The following XRCC4 variants were observed in gnomAD, a reference collection of about 807,000 sequenced individuals.
XRCC4 encodes the protein DNA repair protein XRCC4.
Under a neutral mutation model 39.1 loss-of-function variants are expected in XRCC4, and 28 were observed. That is an observed-to-expected ratio of 0.72 (90% CI 0.53 to 0.98). The LOEUF (loss-of-function observed/expected upper bound fraction) is 0.98, where lower values mean the gene tolerates loss of function less well. Among genes scored for constraint, XRCC4 ranks in the 50% least tolerant of loss-of-function variants. XRCC4 has a pLI of 0.00. For synonymous variants in XRCC4, 123 were observed against 126.4 expected, an observed-to-expected ratio of 0.97 and a Z score of 0.18; for missense variants, 350 against 376.4, an observed-to-expected ratio of 0.93 and a Z score of 0.58.
chr5:83,122,844 A>AC (rs1747076177), intron 3 of XRCC4, among the ~76,000 whole-genome samples: 1 of 152,138 alleles, frequency 6.6e-6, no homozygotes, highest in Non-Finnish European at 1.5e-5. Flanking sequence ...GTTTGATATT[A>AC]CAGATATCGT....
intron 3 of XRCC4, among the ~76,000 whole-genome samples, chr5:83,190,182 G>A (rs919674379): frequency 6.6e-6 from 1 of 152,200 alleles, no homozygotes; most frequent in South Asian, 2.1e-4. Context: ...TGATCAACTT[G>A]TAGTTGATGA....
chr5:83,359,995 C>T, the XRCC4 span, among the ~76,000 whole-genome samples: 5 of 152,018 alleles, frequency 3.3e-5, no homozygotes, highest in Admixed American at 1.3e-4. Flanking sequence ...CTGTGATCTT[C>T]GGCAACAGCA....
chr5:83,169,055 G>A (rs945632141), intron 3 of XRCC4, among the ~76,000 whole-genome samples: 1 of 152,120 alleles, frequency 6.6e-6, no homozygotes, highest in Non-Finnish European at 1.5e-5. Context: ...TGTGGGTGGG[G>A]TTAAGTGGGT....
At chr5:83,371,522 A>T in the XRCC4 span, among the ~76,000 whole-genome samples, 1 of 152,196 alleles carries the variant, frequency 6.6e-6, no homozygotes, top group Non-Finnish European at 1.5e-5. Context: ...GAAACAATCT[A>T]CATGTCAGAT....
At chr5:83,273,443 A>AT (rs1465849938) in intron 7 of XRCC4, among the ~76,000 whole-genome samples, 1 of 152,138 alleles carries the variant, frequency 6.6e-6, no homozygotes, top group Non-Finnish European at 1.5e-5. Flanking sequence ...CCATTCGTTA[A>AT]TTTTGGCTTT....
chr5:83,372,451 G>A, the XRCC4 span, among the ~76,000 whole-genome samples: 1 of 152,136 alleles, frequency 6.6e-6, no homozygotes, highest in Non-Finnish European at 1.5e-5. Flanking sequence ...CCTCCTCATT[G>A]TCATCAATCA....
At chr5:83,124,360 T>G (rs1319886698) in intron 3 of XRCC4, among the ~76,000 whole-genome samples, 1 of 152,166 alleles carries the variant, frequency 6.6e-6, no homozygotes, top group Non-Finnish European at 1.5e-5. Context: ...TTAGTGGAAT[T>G]GTACAATATA....
intron 7 of XRCC4, among the ~76,000 whole-genome samples, chr5:83,294,790 G>A (rs1755038522): frequency 6.6e-6 from 1 of 151,960 alleles, no homozygotes; most frequent in South Asian, 2.1e-4. Context: ...TACTAGTGAT[G>A]TATTACTAGT....
chr5:83,221,176 C>T (rs534301137), intron 6 of XRCC4, among the ~76,000 whole-genome samples: 1 of 152,258 alleles, frequency 6.6e-6, no homozygotes, highest in African/African-American at 2.4e-5. Context: ...TTCACTACTA[C>T]TTCTACTTTT....
intron 3 of XRCC4, among the ~76,000 whole-genome samples, chr5:83,130,543 G>A (rs1431153061): frequency 6.6e-6 from 1 of 152,144 alleles, no homozygotes; most frequent in Non-Finnish European, 1.5e-5. Flanking sequence ...CAGAAGGAAT[G>A]GTACCAGCTC....
the XRCC4 span, among the ~76,000 whole-genome samples, chr5:83,372,500 TTGGACCCC>T: frequency 6.6e-6 from 1 of 152,190 alleles, no homozygotes. Flanking sequence ...GCAGTAGGTC[TTGGACCCC>T]TGGGGGTAGC....
intron 6 of XRCC4, among the ~76,000 whole-genome samples, chr5:83,240,788 A>G (rs1171940001): frequency 6.6e-6 from 1 of 152,222 alleles, no homozygotes; most frequent in Admixed American, 6.5e-5. Flanking sequence ...AAACTTACCC[A>G]CTAAGACCAG....
chr5:83,239,998 G>C (rs945421400), intron 6 of XRCC4, among the ~76,000 whole-genome samples: 1 of 151,002 alleles, frequency 6.6e-6, no homozygotes, highest in Non-Finnish European at 1.5e-5. Flanking sequence ...GCTCTACAGA[G>C]GAAAAAAAAA....
intron 3 of XRCC4, among the ~76,000 whole-genome samples, chr5:83,140,266 A>T (rs1281282888): frequency 6.6e-6 from 1 of 152,194 alleles, no homozygotes; most frequent in Non-Finnish European, 1.5e-5. Context: ...AAGAGCAGGG[A>T]AGCTGATAGT....
intron 7 of XRCC4, among the ~76,000 whole-genome samples, chr5:83,288,586 T>C (rs1754811262): frequency 6.6e-6 from 1 of 151,940 alleles, no homozygotes; most frequent in African/African-American, 2.4e-5. Flanking sequence ...GTTTCTTTCT[T>C]TCAACAGTTT....
intron 7 of XRCC4, among the ~76,000 whole-genome samples, chr5:83,344,446 C>CA (rs1365733399): frequency 6.0e-4 from 72 of 120,254 alleles, no homozygotes; most frequent in Non-Finnish European, 9.5e-4. Flanking sequence ...TTTGTAGAGA[C>CA]AGAGTCTCAC....
the XRCC4 span, among the ~76,000 whole-genome samples, chr5:83,362,712 G>A: frequency 3.3e-5 from 5 of 151,926 alleles, no homozygotes; most frequent in South Asian, 2.1e-4. Context: ...TAACTTTCAC[G>A]ATTTCCTACA....
the XRCC4 span, among the ~76,000 whole-genome samples, chr5:83,364,238 T>C: frequency 6.6e-6 from 1 of 152,152 alleles, no homozygotes; most frequent in Admixed American, 6.6e-5. Context: ...AATCAAATTA[T>C]ATTTTGTTTT....
intron 7 of XRCC4, among the ~76,000 whole-genome samples, chr5:83,329,089 T>G (rs1352023651): frequency 6.6e-6 from 1 of 151,998 alleles, no homozygotes; most frequent in Non-Finnish European, 1.5e-5. Context: ...GATTTTTTAT[T>G]TAAAAAATAA....
Sources: allele counts gnomAD v4.1 joint callset (sites outside exome capture counted in the v4.1 genomes callset), GRCh38; gene constraint gnomAD v4.1.1; transcripts MANE v1.5; gene names NCBI Gene and HGNC (gene_info 2026-07-23, HGNC 2026-07-21).